MTRF1: variants seen among roughly 807,000 people sequenced by gnomAD.
MTRF1 encodes mitochondrial translation release factor 1, also known as peptide chain release factor 1, mitochondrial.
MTRF1 carries 51 observed loss-of-function variants against 62.9 expected under a neutral mutation model. That is an observed-to-expected ratio of 0.81 (90% confidence interval 0.65 to 1.02). MTRF1 has a LOEUF of 1.02. MTRF1 is among the 50% of genes least tolerant of loss of function. The pLI, the probability that MTRF1 is intolerant of heterozygous loss-of-function variation, is 0.00. For missense variants in MTRF1, 446 were observed against 530.0 expected (o/e 0.84, Z 1.56); for synonymous variants, 158 against 181.9 (o/e 0.87, Z 1.06).
At chr13:41,243,730 T>C (rs2037855518) in intron 5 of MTRF1, among the ~76,000 whole-genome samples, 1 of 152,214 alleles carries the variant, frequency 6.6e-6, no homozygotes, top group Admixed American at 6.5e-5. Context: ...TACCACACTT[T>C]TATTGTATTT....
intron 8 of MTRF1, among the ~76,000 whole-genome samples, chr13:41,226,069 G>A (rs1375505636): frequency 6.6e-6 from 1 of 152,002 alleles, no homozygotes; most frequent in Non-Finnish European, 1.5e-5. Context: ...ATCTCACATA[G>A]AGTTATAGTA....
chr13:41,279,381 C>T, the MTRF1 span, among the ~76,000 whole-genome samples: 20 of 152,208 alleles, frequency 1.3e-4, no homozygotes, highest in African/African-American at 4.8e-4. Context: ...ACCTTGGCCC[C>T]CACAGCCTCT....
the MTRF1 span, among the ~76,000 whole-genome samples, chr13:41,301,233 G>T: frequency 2.6e-5 from 4 of 152,078 alleles, no homozygotes; most frequent in Non-Finnish European, 4.4e-5. Context: ...ATTCACCAGG[G>T]GATAGGAAAC....
At chr13:41,227,331 A>C (rs1267631930) in intron 7 of MTRF1, among the ~76,000 whole-genome samples, 1 of 152,088 alleles carries the variant, frequency 6.6e-6, no homozygotes, top group Non-Finnish European at 1.5e-5. Flanking sequence ...GAAAAAAGCC[A>C]ATGAAAAGAC....
intron 7 of MTRF1, among the ~76,000 whole-genome samples, chr13:41,227,953 T>C (rs1385479767): frequency 6.6e-6 from 1 of 152,206 alleles, no homozygotes; most frequent in Non-Finnish European, 1.5e-5. Flanking sequence ...TGGAGTTTTC[T>C]TGACTCTCGT....
At chr13:41,220,452 C>T in intron 9 of MTRF1, 1 of 585,930 alleles carries the variant, frequency 1.7e-6, no homozygotes, top group Admixed American at 2.5e-5. Context: ...TGCACAAGGA[C>T]ATTGAGAAAC....
intron 7 of MTRF1, among the ~76,000 whole-genome samples, chr13:41,229,867 G>A (rs748862200): frequency 1.3e-5 from 2 of 152,142 alleles, no homozygotes; most frequent in South Asian, 2.1e-4. Flanking sequence ...TTGGGAGGCC[G>A]AGGTGGGCAG....
At chr13:41,249,401 C>T (rs1470785293) in intron 5 of MTRF1, among the ~76,000 whole-genome samples, 1 of 151,776 alleles carries the variant, frequency 6.6e-6, no homozygotes, top group Non-Finnish European at 1.5e-5. Context: ...ATTAGCCGGG[C>T]GTAGTGGCGG....
chr13:41,311,325 G>A, the MTRF1 span: 3 of 569,022 alleles, frequency 5.3e-6, no homozygotes, highest in Middle Eastern at 2.9e-4. Context: ...CAGGGGAAGC[G>A]TGTCCTGCTC....
chr13:41,311,166 TC>T, the MTRF1 span: 1 of 374,540 alleles, frequency 2.7e-6, no homozygotes, highest in Non-Finnish European at 4.8e-6. Context: ...ACGCGGTTGG[TC>T]CCCGCTACGC....
chr13:41,246,883 T>A (rs890774945), intron 5 of MTRF1, among the ~76,000 whole-genome samples: 3 of 152,226 alleles, frequency 2.0e-5, no homozygotes, highest in African/African-American at 7.2e-5. Flanking sequence ...CTATCTGAGT[T>A]CAAATTTCAA....
chr13:41,286,640 T>C, the MTRF1 span, among the ~76,000 whole-genome samples: 1 of 152,322 alleles, frequency 6.6e-6, no homozygotes, highest in East Asian at 1.9e-4. Flanking sequence ...AATACGATCT[T>C]CATCCTTTGA....
chr13:41,229,484 C>A (rs1367128170), intron 7 of MTRF1: 1 of 152,172 alleles, frequency 6.6e-6, no homozygotes, highest in Non-Finnish European at 1.5e-5. Flanking sequence ...TCTCTCTATC[C>A]TCCTCTCCCC....
At chr13:41,253,139 T>C (rs2039288983) in intron 3 of MTRF1, 109 bp from the exon 4 acceptor site, 6 of 782,698 alleles carry the variant, frequency 7.7e-6, no homozygotes, top group South Asian at 1.9e-5. Flanking sequence ...CAAAATCATA[T>C]AGTATCCCAA....
At chr13:41,294,630 A>C in the MTRF1 span, among the ~76,000 whole-genome samples, 1 of 152,120 alleles carries the variant, frequency 6.6e-6, no homozygotes. Flanking sequence ...AAAGATAATA[A>C]TGTTATATGA....
intron 2 of MTRF1, 107 bp from the exon 3 acceptor site, chr13:41,254,727 G>A: frequency 1.4e-6 from 1 of 726,620 alleles, no homozygotes; most frequent in Non-Finnish European, 2.3e-6. Flanking sequence ...CAGTTGCAAA[G>A]GCAAGGGATT....
intron 1 of MTRF1, chr13:41,263,193 T>G (rs2040667474): frequency 9.5e-7 from 1 of 1,057,496 alleles, no homozygotes; most frequent in Non-Finnish European, 1.3e-6. Flanking sequence ...AGTAGTAGAA[T>G]GCATAATTTT....
At chr13:41,301,280 A>C in the MTRF1 span, among the ~76,000 whole-genome samples, 49 of 152,288 alleles carry the variant, frequency 3.2e-4, no homozygotes, top group African/African-American at 1.1e-3. Flanking sequence ...CTGAAAACTG[A>C]CAAAAGGCAG....
At chr13:41,300,397 C>T in the MTRF1 span, among the ~76,000 whole-genome samples, 9 of 152,088 alleles carry the variant, frequency 5.9e-5, no homozygotes, top group East Asian at 3.9e-4. Flanking sequence ...CCATCCTGGC[C>T]AACATGGTGA....
Sources: gnomAD v4.1 joint callset for allele counts (sites outside exome capture counted in the v4.1 genomes callset) on GRCh38, gnomAD v4.1.1 for gene constraint, MANE v1.5 for transcripts, NCBI Gene and HGNC (gene_info 2026-07-23, HGNC 2026-07-21) for gene names.